Variants in CDH13 observed in about 807,000 individuals in gnomAD.
CDH13 encodes the protein cadherin 13, also known as cadherin-13.
A neutral mutation model predicts 63.8 loss-of-function variants in CDH13; 24 were observed. The observed-to-expected ratio is 0.38, with a 90% confidence interval of 0.27 to 0.53. The LOEUF (loss-of-function observed/expected upper bound fraction) is 0.53. Among genes scored for constraint, CDH13 ranks in the 20% least tolerant of loss-of-function variants. CDH13 has a pLI of 0.85. For synonymous variants in CDH13, 503 were observed against 355.3 expected, an observed-to-expected ratio of 1.42 and a Z score of -4.67; for missense variants, 1,049 against 903.1, an observed-to-expected ratio of 1.16 and a Z score of -2.07.
Position 82,639,435 on chromosome 16 carries a change from G to T in CDH13, c.45+12298G>T, listed in dbSNP as rs754321991. 12 of 1,535,532 alleles carry T rather than the reference G, an allele frequency of 7.8e-6. No homozygotes were observed. In the South Asian group the frequency reaches 1.2e-4, roughly 15 times the overall value. ...GTGAGAATGGCCCACAGATGCCTGG[G>T]CGTGACCCACCTGCAGCTTCAACCA... is the stretch of plus-strand genomic sequence containing the variant. On this transcript the variant is annotated intron_variant, in intron 1 of 13. Coordinates refer to ENST00000567109, the MANE Select transcript of CDH13 (RefSeq NM_001257.5).
intron 5 of CDH13, among the ~76,000 whole-genome samples, chr16:83,331,847 C>T (rs995765286): frequency 6.6e-6 from 1 of 152,074 alleles, no homozygotes; most frequent in Non-Finnish European, 1.5e-5. Context: ...TTTCTTTCAT[C>T]AATCTTTTAT....
chr16:82,816,662 G>A (rs2037725555), intron 1 of CDH13, among the ~76,000 whole-genome samples: 1 of 151,840 alleles, frequency 6.6e-6, no homozygotes, highest in Non-Finnish European at 1.5e-5. Flanking sequence ...GGTCATCATG[G>A]AGTGAGGGGG....
intron 7 of CDH13, among the ~76,000 whole-genome samples, chr16:83,535,808 C>T (rs1470300022): frequency 9.3e-6 from 1 of 107,128 alleles, no homozygotes; most frequent in African/African-American, 3.6e-5. Context: ...GAGCAGCAAG[C>T]AAGAGAAAAA....
intron 1 of CDH13, among the ~76,000 whole-genome samples, chr16:82,718,956 T>C (rs1006667093): frequency 1.3e-5 from 2 of 152,196 alleles, no homozygotes; most frequent in African/African-American, 2.4e-5. Context: ...TTGGTGCGTG[T>C]TGGATGCATG....
At chr16:82,844,638 TA>T (rs1422262109) in intron 1 of CDH13, 10 of 67,728 alleles carry the variant, frequency 1.5e-4, no homozygotes, top group South Asian at 4.7e-4. Context: ...GGTAATAAAG[TA>T]TTTTTTTTTT....
intron 6 of CDH13, among the ~76,000 whole-genome samples, chr16:83,372,611 G>C (rs937639650): frequency 5.3e-5 from 8 of 151,910 alleles, no homozygotes; most frequent in African/African-American, 7.3e-5. Context: ...AATTTACTGG[G>C]TGTGGTGGCA....
chr16:83,174,228 T>A (rs547330695), intron 4 of CDH13, among the ~76,000 whole-genome samples: 2 of 152,162 alleles, frequency 1.3e-5, no homozygotes, highest in South Asian at 4.2e-4. Context: ...ATTGAACATA[T>A]CTTGAACCCT....
chr16:83,005,708 G>A (rs927568126), intron 2 of CDH13, among the ~76,000 whole-genome samples: 1 of 152,168 alleles, frequency 6.6e-6, no homozygotes, highest in African/African-American at 2.4e-5. Context: ...ACCCTAATTG[G>A]TTCTCTGACT....
At chr16:83,751,912 G>A (rs448717) in intron 11 of CDH13, among the ~76,000 whole-genome samples, 41,245 of 152,156 alleles carry the variant, frequency 0.27, 5,996 homozygotes, top group Non-Finnish European at 0.34. Context: ...GAAGAAGCTG[G>A]CAAGATAGAA....
intron 3 of CDH13, among the ~76,000 whole-genome samples, chr16:83,105,228 G>A (rs12929782): frequency 0.41 from 62,954 of 152,066 alleles, 13,727 homozygotes; most frequent in Middle Eastern, 0.57. Context: ...TTCTACCTGA[G>A]GAGCTGAGTT....
chr16:82,743,354 G>A (rs56921932), intron 1 of CDH13, among the ~76,000 whole-genome samples: 6,514 of 152,074 alleles, frequency 0.043, 471 homozygotes, highest in African/African-American at 0.15. Flanking sequence ...CAGCCTTTTA[G>A]GTAGTGGGGC....
chr16:83,160,616 C>T (rs886079836), intron 4 of CDH13, among the ~76,000 whole-genome samples: 8 of 152,180 alleles, frequency 5.3e-5, no homozygotes, highest in Admixed American at 1.3e-4. Context: ...GTGATAACCA[C>T]CACTAATAAT....
intron 2 of CDH13, among the ~76,000 whole-genome samples, chr16:82,937,340 G>C (rs1233015735): frequency 6.6e-6 from 1 of 151,794 alleles, no homozygotes; most frequent in African/African-American, 2.4e-5. Context: ...GTTGGGCGAG[G>C]CAATCTTTAA....
rs1395543992 is a variant in CDH13, at chr16:83,186,181, C to G, written c.484-31164C>G. ...GACAGAATCTCACTATGTCACCAGG[C>G]TGGAGTGCAGTGGCGTGATCTCGGA... On this transcript the variant is annotated intron_variant, in intron 4 of 13. Transcript: ENST00000567109. Among the ~76,000 whole-genome samples the G allele has an allele frequency of 2.7e-5, 4 of 148,864 alleles. No individual in the cohort carries two copies. In the East Asian group the frequency reaches 8.1e-4, roughly 30 times the overall value.
intron 6 of CDH13, among the ~76,000 whole-genome samples, chr16:83,401,898 A>T (rs2091973540): frequency 6.6e-6 from 1 of 152,224 alleles, no homozygotes; most frequent in Non-Finnish European, 1.5e-5. Flanking sequence ...ATCTGCACTG[A>T]ATATATTCGT....
At chr16:83,375,149 T>G (rs1293352101) in intron 6 of CDH13, among the ~76,000 whole-genome samples, 1 of 152,216 alleles carries the variant, frequency 6.6e-6, no homozygotes, top group African/African-American at 2.4e-5. Context: ...TAAAATTGGT[T>G]TCACTGTACT....
At chr16:82,639,795 G>C (rs1023572008) in intron 1 of CDH13, among the ~76,000 whole-genome samples, 5 of 152,148 alleles carry the variant, frequency 3.3e-5, no homozygotes, top group Admixed American at 1.3e-4. Flanking sequence ...TCCATTTTCC[G>C]TACTAGCCAC....
intron 8 of CDH13, among the ~76,000 whole-genome samples, chr16:83,649,573 G>A (rs1912167442): frequency 6.6e-6 from 1 of 152,138 alleles, no homozygotes; most frequent in Admixed American, 6.6e-5. Context: ...GGCAGGAAGG[G>A]GTAAGGCACT....
chr16:83,771,652 G>T (rs1401527442), intron 11 of CDH13, among the ~76,000 whole-genome samples: 1 of 152,238 alleles, frequency 6.6e-6, no homozygotes, highest in African/African-American at 2.4e-5. Context: ...TTGTATGGCA[G>T]CAGGAGGGCT....
Sources: gnomAD v4.1 joint callset for allele counts (sites outside exome capture counted in the v4.1 genomes callset) on GRCh38, gnomAD v4.1.1 for gene constraint, MANE v1.5 for transcripts, NCBI Gene and HGNC (gene_info 2026-07-23, HGNC 2026-07-21) for gene names.